Variants in TESC observed in about 807,000 individuals in gnomAD.
The protein encoded by TESC is tescalcin.
In TESC, 19 loss-of-function variants were observed where a neutral mutation model predicts 31.0. The ratio of observed to expected loss-of-function variants is 0.61; its 90% CI spans 0.43 to 0.90. The LOEUF (loss-of-function observed/expected upper bound fraction) is 0.90, where lower values mean the gene tolerates loss of function less well. Ranked by LOEUF, TESC falls within the 40% of genes least tolerant of loss-of-function variation. The pLI, the probability that TESC is intolerant of heterozygous loss-of-function variation, is 0.00. For missense variants in TESC, 248 were observed against 303.8 expected, an observed-to-expected ratio of 0.82 and a Z score of 1.36; for synonymous variants, 109 against 114.8, an observed-to-expected ratio of 0.95 and a Z score of 0.32.
intron 1 of TESC, among the ~76,000 whole-genome samples, chr12:117,096,134 C>A (rs1034089465): frequency 2.0e-5 from 3 of 152,176 alleles, no homozygotes; most frequent in African/African-American, 7.2e-5. Context: ...TCATTATCAC[C>A]AGCCTCAGCC....
chr12:117,084,765 A>G (rs1955193420), intron 1 of TESC, among the ~76,000 whole-genome samples: 1 of 152,122 alleles, frequency 6.6e-6, no homozygotes. Flanking sequence ...GCTCCCATCC[A>G]TTTTGGGGCA....
rs768956066 is a variant in TESC, at chr12:117,056,911, C to T, written c.129-25G>A. ...GCTGGTTTCCAAGAAGGAGAGATAC[C>T]GGGAAGAGAATAAGGAAAGATAGCA... On this transcript the variant is annotated intron_variant, in intron 2 of 7. Transcript: ENST00000335209. 1.1e-5 allele frequency: 18 copies of T among 1,611,358 alleles called. No individual in the cohort carries two copies. The Middle Eastern group carries it at 1.3e-3, about 118-fold the overall frequency.
chr12:117,076,068 C>T (rs1272551999), intron 1 of TESC, among the ~76,000 whole-genome samples: 6 of 149,382 alleles, frequency 4.0e-5, no homozygotes, highest in Non-Finnish European at 8.9e-5. Context: ...CTGCCCGCCT[C>T]GGCCTCCCAA....
intron 1 of TESC, among the ~76,000 whole-genome samples, chr12:117,087,695 T>TCC (rs560194744): frequency 5.4e-4 from 83 of 152,364 alleles, no homozygotes; most frequent in African/African-American, 1.9e-3. Context: ...CCATGTGCTT[T>TCC]AGCTGGGCGT....
chr12:117,072,477 G>A (rs968183007), intron 2 of TESC, among the ~76,000 whole-genome samples: 78 of 152,182 alleles, frequency 5.1e-4, no homozygotes, highest in African/African-American at 1.8e-3. Context: ...TAACCAGCCC[G>A]AAGCCACAAA....
intron 2 of TESC, among the ~76,000 whole-genome samples, chr12:117,070,409 C>A (rs1954950589): frequency 6.6e-6 from 1 of 152,154 alleles, no homozygotes; most frequent in South Asian, 2.1e-4. Flanking sequence ...TGTGGTCAGT[C>A]ACCTCCTTCC....
At chr12:117,062,665 C>T (rs1954814467) in intron 2 of TESC, among the ~76,000 whole-genome samples, 1 of 152,206 alleles carries the variant, frequency 6.6e-6, no homozygotes, top group Non-Finnish European at 1.5e-5. Context: ...GCCAATGTCC[C>T]TTTTCAACAA....
At chr12:117,080,317 A>G (rs1478646722) in intron 1 of TESC, among the ~76,000 whole-genome samples, 1 of 152,038 alleles carries the variant, frequency 6.6e-6, no homozygotes, top group Non-Finnish European at 1.5e-5. Context: ...AAAATGCAAA[A>G]ATCAGCCAGG....
At chr12:117,045,717 G>C (rs1036210230) in intron 6 of TESC, among the ~76,000 whole-genome samples, 1 of 152,248 alleles carries the variant, frequency 6.6e-6, no homozygotes, top group Non-Finnish European at 1.5e-5. Context: ...TCCACTCCAG[G>C]CTGGGCAAAC....
intron 1 of TESC, among the ~76,000 whole-genome samples, chr12:117,079,149 C>CT (rs754832852): frequency 2.0e-5 from 3 of 152,056 alleles, no homozygotes; most frequent in Admixed American, 6.6e-5. Flanking sequence ...GTTTTGTTTT[C>CT]TTTTTTTTAT....
chr12:117,091,815 C>G (rs1479259591), intron 1 of TESC, among the ~76,000 whole-genome samples: 4 of 152,184 alleles, frequency 2.6e-5, no homozygotes, highest in Non-Finnish European at 5.9e-5. Flanking sequence ...CAGTTCTCCC[C>G]TTGCCGACTT....
chr12:117,069,750 A>G (rs1954939231), intron 2 of TESC, among the ~76,000 whole-genome samples: 1 of 152,178 alleles, frequency 6.6e-6, no homozygotes, highest in Non-Finnish European at 1.5e-5. Flanking sequence ...GCCTCATGAG[A>G]GTTTGTAAAG....
intron 4 of TESC, 79 bp downstream of exon 4, chr12:117,048,940 G>A (rs1429785738): frequency 1.2e-6 from 2 of 1,602,240 alleles, no homozygotes; most frequent in Non-Finnish European, 1.7e-6. Context: ...TCCTGCTGCA[G>A]AGGCGCCTTG....
intron 1 of TESC, among the ~76,000 whole-genome samples, chr12:117,094,283 CCT>C (rs1955361851): frequency 6.6e-6 from 1 of 152,152 alleles, no homozygotes; most frequent in African/African-American, 2.4e-5. Flanking sequence ...CTGATGATGC[CCT>C]GTGTGGCAAG....
At chr12:117,071,029 C>G (rs1343031493) in intron 2 of TESC, among the ~76,000 whole-genome samples, 1 of 152,168 alleles carries the variant, frequency 6.6e-6, no homozygotes, top group Admixed American at 6.5e-5. Context: ...AAAACACGTT[C>G]AAATAATAAG....
intron 1 of TESC, among the ~76,000 whole-genome samples, chr12:117,098,836 C>T (rs1955431292): frequency 6.6e-6 from 1 of 152,186 alleles, no homozygotes; most frequent in Non-Finnish European, 1.5e-5. Flanking sequence ...ACTTTCCGCT[C>T]TCGCGCTCAC....
At chr12:117,088,241 A>G (rs1246897544) in intron 1 of TESC, among the ~76,000 whole-genome samples, 1 of 152,198 alleles carries the variant, frequency 6.6e-6, no homozygotes, top group Non-Finnish European at 1.5e-5. Context: ...GGGGGAAAAA[A>G]GCAACAGTGA....
intron 6 of TESC, among the ~76,000 whole-genome samples, chr12:117,043,186 A>C (rs1278466622): frequency 6.6e-6 from 1 of 152,196 alleles, no homozygotes; most frequent in Non-Finnish European, 1.5e-5. Flanking sequence ...ATGGGAAGCC[A>C]CATCGGTTCG....
intron 1 of TESC, chr12:117,084,016 C>T (rs189856548): frequency 1.2e-3 from 182 of 151,580 alleles, no homozygotes; most frequent in Admixed American, 3.4e-3. Context: ...ATCGTTTGAA[C>T]CCAGGAGGCG....
Sources: gnomAD v4.1 joint callset for allele counts (sites outside exome capture counted in the v4.1 genomes callset) on GRCh38, gnomAD v4.1.1 for gene constraint, MANE v1.5 for transcripts, NCBI Gene and HGNC (gene_info 2026-07-23, HGNC 2026-07-21) for gene names.